The following ASB2 variants were observed in gnomAD, a reference collection of about 807,000 sequenced individuals.
The protein encoded by ASB2 is ankyrin repeat and SOCS box containing 2.
Under a neutral mutation model 62.4 loss-of-function variants are expected in ASB2, and 58 were observed. The ratio of observed to expected loss-of-function variants is 0.93; its 90% confidence interval spans 0.75 to 1.16. The LOEUF (loss-of-function observed/expected upper bound fraction) is 1.16. Ranked by LOEUF, ASB2 falls within the 50% of genes most tolerant of loss-of-function variation. The pLI, the probability that ASB2 is intolerant of heterozygous loss-of-function variation, is 0.00. For missense variants in ASB2, 928 were observed against 887.9 expected (o/e 1.05, Z -0.57); for synonymous variants, 386 against 385.3 (o/e 1.00, Z -0.02).
Position 93,939,220 on chromosome 14 carries a change from C to G in ASB2, c.1505G>C (p.Gly502Ala), listed in dbSNP as rs1471462279. 6.2e-7 allele frequency: 1 copy of G among 1,607,406 alleles called. No homozygotes were observed. The highest frequency in any genetic ancestry group is 1.3e-5 in the African/African-American group (1 of 74,792). ...GTAGAGGCATGAGAAGCAGGGCTCG[C>G]CGTCGCAGCCCAGGTCCATGAGGAA... is the stretch of plus-strand genomic sequence containing the variant. ...LKFLMDLGCD[G>A]EPCFSCLYGN... Residue 502 changes from glycine to alanine, a missense_variant, in exon 8 of 10, where the codon GGC becomes GCC. Physicochemically the swap from Gly to Ala is moderately conservative, Grantham distance 60. Transcript: ENST00000555019.
intron 7 of ASB2, 129 bp downstream of exon 7, chr14:93,947,220 A>C (rs1888759003): frequency 3.1e-6 from 3 of 982,798 alleles, no homozygotes; most frequent in Non-Finnish European, 3.0e-6. Flanking sequence ...GGTGATGTCC[A>C]TTCTGACCTC....
At chr14:93,974,520 G>A (rs1889855539) in intron 1 of ASB2, among the ~76,000 whole-genome samples, 6 of 152,206 alleles carry the variant, frequency 3.9e-5, no homozygotes, top group Admixed American at 2.6e-4. Flanking sequence ...GATCTAGCCT[G>A]TCCACAATAT....
intron 5 of ASB2, among the ~76,000 whole-genome samples, chr14:93,951,781 G>A (rs7153542): frequency 0.3 from 45,219 of 152,208 alleles, 8,756 homozygotes; most frequent in African/African-American, 0.56. Flanking sequence ...TGAGGAGTCA[G>A]CGGTGTCATA....
At chr14:93,961,669 C>A (rs1225168302) in intron 2 of ASB2, among the ~76,000 whole-genome samples, 2 of 152,190 alleles carry the variant, frequency 1.3e-5, no homozygotes, top group African/African-American at 4.8e-5. Flanking sequence ...GGGTGACATC[C>A]TATTGCTAAA....
chr14:93,942,056 C>G, intron 7 of ASB2: 1 of 422,560 alleles, frequency 2.4e-6, no homozygotes, highest in Admixed American at 2.4e-5. Context: ...CGATGCCCCT[C>G]TCCTCCCAAC....
intron 6 of ASB2, chr14:93,948,104 A>G (rs1324591929): frequency 6.5e-6 from 1 of 153,692 alleles, no homozygotes; most frequent in African/African-American, 2.4e-5. Flanking sequence ...AGCACCTACT[A>G]CGTGCTGAAC....
At chr14:93,965,756 C>G (rs536093789) in intron 1 of ASB2, among the ~76,000 whole-genome samples, 1 of 152,262 alleles carries the variant, frequency 6.6e-6, no homozygotes, top group Non-Finnish European at 1.5e-5. Flanking sequence ...CCACCCTTCC[C>G]TGTTGATATG....
intron 1 of ASB2, among the ~76,000 whole-genome samples, chr14:93,969,554 G>A (rs939057140): frequency 1.3e-5 from 2 of 152,172 alleles, no homozygotes; most frequent in Non-Finnish European, 2.9e-5. Context: ...CCTCTGTCTG[G>A]GGGTTGGGCG....
rs574366024 is a variant in ASB2, at chr14:93,947,112, T to C, written c.1052+237A>G. 1.7e-3 allele frequency among the ~76,000 whole-genome samples: 258 copies of C among 152,378 alleles called. 1 individual carries two copies. The highest frequency in any genetic ancestry group is 5.6e-3 in the African/African-American group (231 of 41,594). ...TCTGATGTGAAGTACTGGTAAGCGCTGCATAAGGGTTTGCTGTTATTATTT... is the reference window on the plus strand; with the variant it reads ...TCTGATGTGAAGTACTGGTAAGCGCCGCATAAGGGTTTGCTGTTATTATTT... On this transcript the variant is annotated intron_variant, in intron 7 of 9. Coordinates refer to ENST00000555019, the MANE Select transcript of ASB2 (RefSeq NM_001202429.2).
chr14:93,942,840 GTAA>G (rs1161127769), intron 7 of ASB2, among the ~76,000 whole-genome samples: 11 of 143,466 alleles, frequency 7.7e-5, no homozygotes, highest in Middle Eastern at 3.6e-3. Context: ...GTAATTAATT[GTAA>G]TAATAGTGAT....
chr14:93,934,687 A>G lies in ASB2; in HGVS notation c.1877T>C (p.Ile626Thr). 6.2e-7 allele frequency: 1 copy of G among 1,614,164 alleles called. No homozygotes were observed. The highest frequency in any genetic ancestry group is 1.1e-5 in the South Asian group (1 of 91,078). The change falls in exon 10 of 10, where the codon ATT becomes ACT. Residue 626 changes from isoleucine to threonine, a missense_variant. Coordinates refer to ENST00000555019, the MANE Select transcript of ASB2 (RefSeq NM_001202429.2). ...LDTLPLPGRL[I>T]RYLKYENTQ is the part of the protein sequence containing the mutation. ...GGTGTTCTCGTATTTCAGGTATCTA[A>G]TCAGCCTGCCTGGGAGCGGCAAGGT...
intron 1 of ASB2, among the ~76,000 whole-genome samples, chr14:93,973,649 C>G (rs1297435898): frequency 6.6e-6 from 1 of 152,258 alleles, no homozygotes; most frequent in Admixed American, 6.5e-5. Context: ...TCGTCTCCAC[C>G]TCCTGAGTGA....
At chr14:93,944,404 G>C (rs1250841061) in intron 7 of ASB2, among the ~76,000 whole-genome samples, 1 of 152,274 alleles carries the variant, frequency 6.6e-6, no homozygotes, top group Non-Finnish European at 1.5e-5. Flanking sequence ...ACCCCTTGCG[G>C]TTAAGTGTGC....
At chr14:93,946,966 C>T (rs933082968) in intron 7 of ASB2, among the ~76,000 whole-genome samples, 5 of 152,148 alleles carry the variant, frequency 3.3e-5, no homozygotes, top group African/African-American at 7.2e-5. Context: ...GAGTACCTGC[C>T]GCCTATGAGC....
intron 1 of ASB2, among the ~76,000 whole-genome samples, chr14:93,970,226 G>A (rs1049515900): frequency 5.3e-5 from 8 of 152,192 alleles, no homozygotes; most frequent in Admixed American, 5.2e-4. Flanking sequence ...AGCTGGGAAG[G>A]CGGGGCCAAG....
intron 2 of ASB2, chr14:93,957,423 T>C (rs1889265875): frequency 2.0e-6 from 2 of 992,956 alleles, no homozygotes; most frequent in Non-Finnish European, 2.4e-6. Flanking sequence ...TAGTAACCTC[T>C]ATAGTGTTAT....
intron 6 of ASB2, 51 bp downstream of exon 6, chr14:93,950,948 T>C (rs1401852495): frequency 3.8e-6 from 6 of 1,571,512 alleles, no homozygotes; most frequent in Non-Finnish European, 5.2e-6. Context: ...CTGACATCCT[T>C]CCCGTGTGCC....
chr14:93,965,384 T>C (rs942616515), intron 1 of ASB2, among the ~76,000 whole-genome samples: 1 of 152,244 alleles, frequency 6.6e-6, no homozygotes, highest in Admixed American at 6.5e-5. Context: ...TTCTTTGCAC[T>C]GTGATGGGCC....
Position 93,974,667 on chromosome 14 carries a change from G to A in ASB2, c.-74+1767C>T, listed in dbSNP as rs145475704. ...GAATGTGGACCTTGCAGACCAAAAG[G>A]TCAGATTCCTGACTCCAACACTTGC... On this transcript the variant is annotated intron_variant, in intron 1 of 9. Coordinates refer to ENST00000555019, the MANE Select transcript of ASB2 (RefSeq NM_001202429.2). 4.1e-3 allele frequency among the ~76,000 whole-genome samples: 628 copies of A among 152,326 alleles called. 3 individuals are homozygous for A. The highest frequency in any genetic ancestry group is 0.014 in the African/African-American group (579 of 41,554).
Sources: allele counts gnomAD v4.1 joint callset (sites outside exome capture counted in the v4.1 genomes callset), GRCh38; gene constraint gnomAD v4.1.1; transcripts MANE v1.5; gene names NCBI Gene and HGNC (gene_info 2026-07-23, HGNC 2026-07-21).